EIF2B3: variants seen among roughly 807,000 people sequenced by gnomAD.
EIF2B3 encodes the protein translation initiation factor eIF2B subunit gamma.
Under a neutral mutation model 54.1 loss-of-function variants are expected in EIF2B3, and 20 were observed. The observed-to-expected ratio is 0.37, with a 90% CI of 0.26 to 0.54. The LOEUF is 0.54. Ranked by LOEUF, EIF2B3 falls within the 20% of genes least tolerant of loss-of-function variation. The pLI, the probability that EIF2B3 is intolerant of heterozygous loss-of-function variation, is 0.86. For synonymous variants in EIF2B3, 153 were observed against 188.1 expected (o/e 0.81, Z 1.52); for missense variants, 448 against 547.8 (o/e 0.82, Z 1.82).
At chr1:44,912,470 C>T (rs972699388) in intron 5 of EIF2B3, among the ~76,000 whole-genome samples, 3 of 152,004 alleles carry the variant, frequency 2.0e-5, no homozygotes, top group Admixed American at 2.0e-4. Flanking sequence ...CCCTGGTATT[C>T]AAGGCTCTCT....
intron 11 of EIF2B3, among the ~76,000 whole-genome samples, chr1:44,855,926 T>G (rs1440340373): frequency 6.6e-6 from 1 of 151,994 alleles, no homozygotes; most frequent in Non-Finnish European, 1.5e-5. Flanking sequence ...CATACTTTAA[T>G]AAAGGTGTGG....
chr1:44,937,028 G>A (rs989437144), intron 4 of EIF2B3, among the ~76,000 whole-genome samples: 1 of 152,104 alleles, frequency 6.6e-6, no homozygotes, highest in Non-Finnish European at 1.5e-5. Context: ...TAGACCTTGT[G>A]CTCTTAACAA....
intron 5 of EIF2B3, among the ~76,000 whole-genome samples, chr1:44,902,703 C>T (rs904322609): frequency 8.6e-5 from 13 of 151,316 alleles, no homozygotes; most frequent in Non-Finnish European, 1.8e-4. Flanking sequence ...TGGCATGTGC[C>T]TGTGGTCCCA....
intron 10 of EIF2B3, among the ~76,000 whole-genome samples, chr1:44,860,280 G>A (rs1654569058): frequency 1.3e-5 from 2 of 152,176 alleles, no homozygotes; most frequent in African/African-American, 4.8e-5. Flanking sequence ...CCCCCAAGTA[G>A]CTGAGACTAT....
At chr1:44,924,692 C>CT (rs890995383) in intron 5 of EIF2B3, among the ~76,000 whole-genome samples, 21 of 151,702 alleles carry the variant, frequency 1.4e-4, no homozygotes, top group African/African-American at 4.4e-4. Flanking sequence ...GGCCAATCCT[C>CT]TTTTTTTTGG....
chr1:44,882,438 CTTT>C, intron 6 of EIF2B3, among the ~76,000 whole-genome samples: 1 of 142,628 alleles, frequency 7.0e-6, no homozygotes, highest in African/African-American at 2.6e-5. Context: ...TGGGAGAAAA[CTTT>C]TTTTTTTTTT....
At chr1:44,853,866 C>A (rs1654352102) in intron 11 of EIF2B3, among the ~76,000 whole-genome samples, 1 of 152,196 alleles carries the variant, frequency 6.6e-6, no homozygotes, top group African/African-American at 2.4e-5. Flanking sequence ...TATACATCAA[C>A]AGCCTGACCT....
intron 6 of EIF2B3, among the ~76,000 whole-genome samples, chr1:44,892,052 G>T (rs1041318559): frequency 3.3e-5 from 5 of 152,032 alleles, no homozygotes; most frequent in African/African-American, 1.2e-4. Flanking sequence ...ATTTTATAAA[G>T]AAGGAAATCA....
At chr1:44,984,053 C>T (rs1259874432) in intron 1 of EIF2B3, among the ~76,000 whole-genome samples, 2 of 152,052 alleles carry the variant, frequency 1.3e-5, no homozygotes, top group Non-Finnish European at 2.9e-5. Context: ...GTGTCAGGCA[C>T]CCGTAATCCC....
intron 5 of EIF2B3, among the ~76,000 whole-genome samples, chr1:44,910,099 A>C (rs1314095540): frequency 2.0e-5 from 3 of 152,238 alleles, no homozygotes; most frequent in African/African-American, 7.2e-5. Context: ...TTCAAAAGAA[A>C]ACAATGTAAC....
intron 5 of EIF2B3, among the ~76,000 whole-genome samples, chr1:44,921,923 AT>A (rs1280790311): frequency 2.7e-5 from 4 of 148,534 alleles, no homozygotes; most frequent in Non-Finnish European, 1.5e-5. Context: ...TATTTTATTT[AT>A]TTTTTTTTGA....
intron 3 of EIF2B3, among the ~76,000 whole-genome samples, chr1:44,951,506 C>T (rs897161317): frequency 2.0e-5 from 3 of 152,132 alleles, no homozygotes; most frequent in Non-Finnish European, 4.4e-5. Context: ...CCTTAATATA[C>T]ATCACTGTCT....
chr1:44,945,970 G>C (rs1022106813), intron 3 of EIF2B3, among the ~76,000 whole-genome samples: 4 of 152,202 alleles, frequency 2.6e-5, no homozygotes, highest in Non-Finnish European at 5.9e-5. Flanking sequence ...TAACAATGTT[G>C]TCTTGGCAAA....
intron 6 of EIF2B3, among the ~76,000 whole-genome samples, chr1:44,884,711 AC>A (rs1655520187): frequency 6.6e-6 from 1 of 152,184 alleles, no homozygotes; most frequent in African/African-American, 2.4e-5. Flanking sequence ...CCATTGGAAA[AC>A]AAGTCAGTTC....
intron 11 of EIF2B3, 66 bp from the exon 12 acceptor site, chr1:44,851,069 C>CTTT: frequency 4.0e-6 from 5 of 1,264,588 alleles, no homozygotes; most frequent in Non-Finnish European, 5.5e-6. Context: ...AACCCAACTG[C>CTTT]TTTTTTTTTT....
intron 3 of EIF2B3, among the ~76,000 whole-genome samples, chr1:44,974,645 T>A (rs28848532): frequency 0.064 from 9,706 of 150,984 alleles, 1,064 homozygotes; most frequent in African/African-American, 0.22. Flanking sequence ...GGTGACAGAG[T>A]GAGACTGTCT....
At chr1:44,891,814 T>C (rs1332989349) in intron 6 of EIF2B3, among the ~76,000 whole-genome samples, 1 of 152,178 alleles carries the variant, frequency 6.6e-6, no homozygotes, top group African/African-American at 2.4e-5. Context: ...TGAGGAGGTA[T>C]CATGTCTGAG....
chr1:44,943,847 T>TA (rs1273395584), intron 3 of EIF2B3, among the ~76,000 whole-genome samples: 1 of 152,192 alleles, frequency 6.6e-6, no homozygotes, highest in African/African-American at 2.4e-5. Context: ...TGAATAGTGT[T>TA]AAAGAAATAT....
At chr1:44,947,576 C>T (rs1644116813) in intron 3 of EIF2B3, among the ~76,000 whole-genome samples, 1 of 152,020 alleles carries the variant, frequency 6.6e-6, no homozygotes, top group South Asian at 2.1e-4. Flanking sequence ...TGTTCCATGA[C>T]AGATTGTTAT....
Sources: gnomAD v4.1 joint callset for allele counts (sites outside exome capture counted in the v4.1 genomes callset) on GRCh38, gnomAD v4.1.1 for gene constraint, MANE v1.5 for transcripts, NCBI Gene and HGNC (gene_info 2026-07-23, HGNC 2026-07-21) for gene names.